The following KCND3 variants were observed in gnomAD, a reference collection of about 807,000 sequenced individuals.
KCND3 encodes potassium voltage-gated channel subfamily D member 3.
Under a neutral mutation model 51.1 loss-of-function variants are expected in KCND3, and 9 were observed. The observed-to-expected ratio is 0.18, with a 90% CI of 0.11 to 0.31. The LOEUF (loss-of-function observed/expected upper bound fraction) is 0.31, where lower values mean the gene tolerates loss of function less well. Ranked by LOEUF, KCND3 falls within the 10% of genes least tolerant of loss-of-function variation. The pLI is 1.00. For synonymous variants in KCND3, 349 were observed against 368.0 expected (o/e 0.95, Z 0.59); for missense variants, 526 against 903.8 (o/e 0.58, Z 5.36).
intron 2 of KCND3, among the ~76,000 whole-genome samples, chr1:111,837,464 A>C (rs185114338): frequency 1.3e-5 from 2 of 152,332 alleles, no homozygotes; most frequent in East Asian, 3.9e-4. Flanking sequence ...TATCATTATT[A>C]GCCCAATTTA....
chr1:111,869,015 G>C (rs545158029), intron 2 of KCND3, among the ~76,000 whole-genome samples: 1 of 152,266 alleles, frequency 6.6e-6, no homozygotes, highest in South Asian at 2.1e-4. Flanking sequence ...CAGGATTTGA[G>C]CCTGGGATTC....
In KCND3 at chr1:111,780,955, A is replaced by G. The variant is rs1015515537; in HGVS notation, c.1270-164T>C. Among the ~76,000 whole-genome samples the G allele has an allele frequency of 1.3e-5, 2 of 152,178 alleles. No homozygotes were observed. The highest frequency in any genetic ancestry group is 4.8e-5 in the African/African-American group (2 of 41,432). ...CTCCAGTTGTGTACCCACTTTGTAT[A>G]GCTTGGTTGGGTCAGAATTCCCAGG... On this transcript the variant is annotated intron_variant, in intron 3 of 7. Coordinates refer to ENST00000302127, the MANE Select transcript of KCND3 (RefSeq NM_001378969.1). The surrounding 1 kb of genome is among the most constrained non-coding windows in gnomAD (Gnocchi z 4.2).
At chr1:111,921,573 C>T (rs926943594) in intron 2 of KCND3, among the ~76,000 whole-genome samples, 1 of 152,166 alleles carries the variant, frequency 6.6e-6, no homozygotes, top group Non-Finnish European at 1.5e-5. Context: ...CCAGCAGCAG[C>T]GCCAATCATG....
At chr1:111,913,470 C>A (rs531338613) in intron 2 of KCND3, among the ~76,000 whole-genome samples, 6 of 152,330 alleles carry the variant, frequency 3.9e-5, no homozygotes, top group African/African-American at 1.2e-4. Context: ...CAGACTTACC[C>A]TAAGAGATCT....
At position 111,772,133 on chromosome 1, in the gene KCND3, CAT is replaced by C. The variant is rs1342660915; in HGVS notation, c.*3942_*3943del. 3 of 152,202 alleles carry C rather than the reference CAT, an allele frequency of 2.0e-5. No homozygotes were observed. Among genetic ancestry groups the C allele is most frequent in the Admixed American group, 2.0e-4 (3 of 15,282 alleles). 9.4% of individuals were successfully genotyped at this position (152,202 alleles called of 1,614,324 possible). A position where few individuals can be genotyped will look rare whatever the true frequency, so the allele number is the denominator to read the frequency against. ...GGATAAGTCGTTCAGTTTCTTTCCA[CAT>C]GTTTTCCCCTCTCTGAATCAAGGAT... On this transcript the variant is annotated 3_prime_UTR_variant, in exon 8 of 8. Transcript: ENST00000302127.
intron 2 of KCND3, among the ~76,000 whole-genome samples, chr1:111,965,131 C>A (rs1036151612): frequency 1.3e-5 from 2 of 150,728 alleles, no homozygotes; most frequent in Non-Finnish European, 2.9e-5. Context: ...ACTGTTGAAT[C>A]TCTCTGGCTC....
chr1:111,830,417 A>AT (rs1666782744), intron 2 of KCND3, among the ~76,000 whole-genome samples: 1 of 152,138 alleles, frequency 6.6e-6, no homozygotes, highest in South Asian at 2.1e-4. Context: ...CCCTCCTTGC[A>AT]ATCCCTGGAG....
At chr1:111,806,466 G>A (rs1665578008) in intron 2 of KCND3, among the ~76,000 whole-genome samples, 1 of 152,138 alleles carries the variant, frequency 6.6e-6, no homozygotes, top group African/African-American at 2.4e-5. Context: ...TCAACCTGGG[G>A]ACCATTTGAT....
chr1:111,792,044 G>C (rs988329538), intron 2 of KCND3, among the ~76,000 whole-genome samples: 7 of 152,198 alleles, frequency 4.6e-5, no homozygotes, highest in Non-Finnish European at 1.5e-5. Context: ...TCGAGTTCCA[G>C]GCACTATATA....
intron 2 of KCND3, chr1:111,909,651 T>A (rs965303317): frequency 2.0e-5 from 3 of 152,164 alleles, no homozygotes; most frequent in Non-Finnish European, 4.4e-5. Flanking sequence ...CTTCCCCCCA[T>A]TCCAGAAACA....
chr1:111,777,605 C>T (rs577602194), intron 6 of KCND3, among the ~76,000 whole-genome samples: 1 of 152,318 alleles, frequency 6.6e-6, no homozygotes, highest in Admixed American at 6.5e-5. Context: ...CAGCTAGAGG[C>T]AAAGACTTTA....
chr1:111,820,259 TC>T (rs1330002811), intron 2 of KCND3, among the ~76,000 whole-genome samples: 3 of 152,226 alleles, frequency 2.0e-5, no homozygotes, highest in African/African-American at 7.2e-5. Context: ...CCCTGCTGGT[TC>T]TACCTGTCAA....
chr1:111,989,441 C>T (rs1675510365), intron 1 of KCND3, among the ~76,000 whole-genome samples, 64 bp downstream of exon 1: 1 of 152,052 alleles, frequency 6.6e-6, no homozygotes, highest in Admixed American at 6.5e-5. Context: ...GCCGGAGCAA[C>T]AGGCGTGGGA....
intron 2 of KCND3, among the ~76,000 whole-genome samples, chr1:111,928,406 G>C (rs186870081): frequency 0.018 from 2,706 of 152,232 alleles, 66 homozygotes; most frequent in African/African-American, 0.061. Flanking sequence ...CACAAAAAAC[G>C]CAGATCATGG....
At chr1:111,784,103 T>TCTCA (rs1553236798) in intron 3 of KCND3, among the ~76,000 whole-genome samples, 12 of 117,564 alleles carry the variant, frequency 1.0e-4, no homozygotes, top group East Asian at 9.1e-4. Flanking sequence ...CATTAACTTA[T>TCTCA]CACACACACA....
chr1:111,943,940 C>T (rs542854066), intron 2 of KCND3, among the ~76,000 whole-genome samples: 5 of 152,320 alleles, frequency 3.3e-5, no homozygotes, highest in South Asian at 2.1e-4. Context: ...CAGCCGGGGC[C>T]GCACACTGAT....
At chr1:111,983,605 A>ATCGTCT (rs2102003878) in intron 1 of KCND3, among the ~76,000 whole-genome samples, 1 of 152,116 alleles carries the variant, frequency 6.6e-6, no homozygotes, top group South Asian at 2.1e-4. Flanking sequence ...ACTTCCATGC[A>ATCGTCT]TCGTCTCTCT....
chr1:111,842,103 C>T (rs1266727667), intron 2 of KCND3, among the ~76,000 whole-genome samples: 1 of 152,170 alleles, frequency 6.6e-6, no homozygotes, highest in African/African-American at 2.4e-5. Context: ...ATGGGCATCA[C>T]TGTGGGTCCC....
chr1:111,781,831 C>A (rs1664402145), intron 3 of KCND3, among the ~76,000 whole-genome samples: 1 of 152,152 alleles, frequency 6.6e-6, no homozygotes, highest in African/African-American at 2.4e-5. Context: ...CCTTCTCCTT[C>A]CTAATGACTG....
Sources: allele counts gnomAD v4.1 joint callset (sites outside exome capture counted in the v4.1 genomes callset), GRCh38; gene constraint gnomAD v4.1.1; non-coding constraint Gnocchi (gnomAD v3.1); transcripts MANE v1.5; gene names NCBI Gene and HGNC (gene_info 2026-07-23, HGNC 2026-07-21).